BARX2: variants seen among roughly 807,000 people sequenced by gnomAD.
The protein encoded by BARX2 is homeobox protein BarH-like 2.
BARX2 carries 11 observed loss-of-function variants against 25.5 expected under a neutral mutation model. That is an observed-to-expected ratio of 0.43 (90% CI 0.27 to 0.71). The LOEUF (loss-of-function observed/expected upper bound fraction) is 0.71. BARX2 is among the 30% of genes least tolerant of loss of function. The pLI, the probability that BARX2 is intolerant of heterozygous loss-of-function variation, is 0.19. For missense variants in BARX2, 360 were observed against 359.9 expected, an observed-to-expected ratio of 1.00 and a Z score of 0.00; for synonymous variants, 137 against 149.5, an observed-to-expected ratio of 0.92 and a Z score of 0.61.
At chr11:129,408,796 G>A (rs907109709) in intron 1 of BARX2, among the ~76,000 whole-genome samples, 3 of 152,120 alleles carry the variant, frequency 2.0e-5, no homozygotes, top group African/African-American at 7.2e-5. Flanking sequence ...TTCTTTATTG[G>A]ATTATTTGTT....
At chr11:129,413,140 A>C (rs765167434) in intron 1 of BARX2, among the ~76,000 whole-genome samples, 1 of 152,256 alleles carries the variant, frequency 6.6e-6, no homozygotes, top group South Asian at 2.1e-4. Context: ...TAATGGGTAC[A>C]TGCTACTTCC....
At chr11:129,389,728 G>T (rs200422644) in intron 1 of BARX2, among the ~76,000 whole-genome samples, 3 of 146,134 alleles carry the variant, frequency 2.1e-5, no homozygotes, top group Non-Finnish European at 3.0e-5. Flanking sequence ...TTTTTTTTTT[G>T]AAAAAAAATG....
At chr11:129,413,749 C>G (rs1565515382) in intron 1 of BARX2, among the ~76,000 whole-genome samples, 1 of 152,022 alleles carries the variant, frequency 6.6e-6, no homozygotes, top group African/African-American at 2.4e-5. Flanking sequence ...TTCTTTATTT[C>G]TAGAGACAGC....
intron 1 of BARX2, among the ~76,000 whole-genome samples, chr11:129,400,047 G>A (rs943265361): frequency 1.1e-4 from 17 of 152,232 alleles, no homozygotes; most frequent in African/African-American, 3.4e-4. Flanking sequence ...AGACTTGGTC[G>A]TTGATTAGAA....
At chr11:129,380,822 T>C (rs1005808694) in intron 1 of BARX2, among the ~76,000 whole-genome samples, 4 of 152,012 alleles carry the variant, frequency 2.6e-5, no homozygotes, top group African/African-American at 9.7e-5. Flanking sequence ...GTTTTTTTTT[T>C]TTTTCTTCCA....
chr11:129,436,657 G>A lies in BARX2; in HGVS notation c.188-94G>A. On this transcript the variant is annotated intron_variant, in intron 1 of 3. Transcript: ENST00000281437. The surrounding 1 kb of genome is among the most constrained non-coding windows in gnomAD (Gnocchi z 4.5). ...CCTCCTTAAGAGCAGGGCCCTCCCTGTCAGACAGACCTCAGCCAGCGGCCC... is the reference window on the plus strand; with the variant it reads ...CCTCCTTAAGAGCAGGGCCCTCCCTATCAGACAGACCTCAGCCAGCGGCCC... 2.2e-6 allele frequency: 3 copies of A among 1,385,222 alleles called. No individual in the cohort carries two copies. The highest frequency in any genetic ancestry group is 2.9e-6 in the Non-Finnish European group (3 of 1,023,330). 85.8% of individuals were successfully genotyped at this position (1,385,222 alleles called of 1,614,324 possible). A position where few individuals can be genotyped will look rare whatever the true frequency, so the allele number is the denominator to read the frequency against.
intron 1 of BARX2, among the ~76,000 whole-genome samples, chr11:129,380,601 T>G (rs1861552754): frequency 6.6e-6 from 1 of 152,198 alleles, no homozygotes; most frequent in African/African-American, 2.4e-5. Flanking sequence ...AACAAGCATT[T>G]GTATTTCTGC....
intron 1 of BARX2, among the ~76,000 whole-genome samples, chr11:129,397,404 A>T (rs1055127344): frequency 5.9e-5 from 9 of 152,222 alleles, no homozygotes; most frequent in Admixed American, 2.6e-4. Context: ...AGGAGATTGT[A>T]TAGGTGGCTA....
intron 1 of BARX2, among the ~76,000 whole-genome samples, chr11:129,423,919 G>A (rs375610890): frequency 1.4e-4 from 21 of 149,022 alleles, no homozygotes; most frequent in African/African-American, 4.0e-4. Context: ...GAGTGCAGTT[G>A]GCTCACTGTA....
In BARX2 at chr11:129,390,232, G is replaced by C. The variant is rs565735671; in HGVS notation, c.187+14010G>C. On this transcript the variant is annotated intron_variant, in intron 1 of 3. Transcript: ENST00000281437. The surrounding 1 kb of genome is among the most constrained non-coding windows in gnomAD (Gnocchi z 4.3). ...TGATGATTCCGACAGGCAATCTCTAGTGGCCTCATCCAGGTTCTGTGGTGG... is the reference window on the plus strand; with the variant it reads ...TGATGATTCCGACAGGCAATCTCTACTGGCCTCATCCAGGTTCTGTGGTGG... Among the ~76,000 whole-genome samples the C allele has an allele frequency of 6.6e-6, 1 of 152,296 alleles. No individual in the cohort carries two copies. Among genetic ancestry groups the C allele is most frequent in the South Asian group, 2.1e-4 (1 of 4,822 alleles).
chr11:129,401,035 T>C (rs2135392941), intron 1 of BARX2, among the ~76,000 whole-genome samples: 1 of 152,322 alleles, frequency 6.6e-6, no homozygotes, highest in African/African-American at 2.4e-5. Context: ...GCAGTACCAG[T>C]GATATCTGGG....
intron 1 of BARX2, among the ~76,000 whole-genome samples, chr11:129,414,036 A>AG (rs991291148): frequency 1.2e-4 from 18 of 151,796 alleles, no homozygotes; most frequent in African/African-American, 4.1e-4. Flanking sequence ...ACTGCACTCC[A>AG]GCCTGGGAGG....
At chr11:129,429,304 G>A (rs909025142) in intron 1 of BARX2, among the ~76,000 whole-genome samples, 7 of 152,118 alleles carry the variant, frequency 4.6e-5, no homozygotes, top group African/African-American at 1.7e-4. Flanking sequence ...GGCTGAGGTG[G>A]AAGGATCACT....
intron 1 of BARX2, among the ~76,000 whole-genome samples, chr11:129,405,537 T>C (rs1861820957): frequency 6.6e-6 from 1 of 152,212 alleles, no homozygotes; most frequent in Non-Finnish European, 1.5e-5. Flanking sequence ...CAGGCCATTA[T>C]TACCAGCACT....
At chr11:129,383,159 C>T (rs938048645) in intron 1 of BARX2, among the ~76,000 whole-genome samples, 1 of 152,152 alleles carries the variant, frequency 6.6e-6, no homozygotes, top group Non-Finnish European at 1.5e-5. Flanking sequence ...AAAACCTTTG[C>T]AAACCCTCAG....
chr11:129,438,452 C>T (rs996811121), intron 2 of BARX2: 3 of 152,096 alleles, frequency 2.0e-5, no homozygotes, highest in Admixed American at 6.5e-5. Flanking sequence ...CCTTCTTCCT[C>T]TTCTTTTGCC....
intron 1 of BARX2, among the ~76,000 whole-genome samples, chr11:129,431,398 T>A (rs1360170462): frequency 6.6e-6 from 1 of 152,238 alleles, no homozygotes; most frequent in Non-Finnish European, 1.5e-5. Flanking sequence ...CCGTACCAGT[T>A]TGCATTCTCG....
chr11:129,443,227 GT>G (rs1478624198), intron 3 of BARX2, among the ~76,000 whole-genome samples: 1 of 152,108 alleles, frequency 6.6e-6, no homozygotes, highest in East Asian at 1.9e-4. Context: ...AGAACATGCA[GT>G]TTTGTTACTT....
intron 1 of BARX2, among the ~76,000 whole-genome samples, chr11:129,378,916 G>A (rs1204334702): frequency 1.3e-5 from 2 of 150,968 alleles, no homozygotes; most frequent in Non-Finnish European, 1.5e-5. Context: ...GTCAATTTAT[G>A]GTACCAAATA....
Sources: gnomAD v4.1 joint callset for allele counts (sites outside exome capture counted in the v4.1 genomes callset) on GRCh38, gnomAD v4.1.1 for gene constraint, Gnocchi (gnomAD v3.1) non-coding constraint, MANE v1.5 for transcripts, NCBI Gene and HGNC (gene_info 2026-07-23, HGNC 2026-07-21) for gene names.